The following MCF2L2 variants were observed in gnomAD, a reference collection of about 807,000 sequenced individuals.
MCF2L2 encodes probable guanine nucleotide exchange factor MCF2L2.
In MCF2L2, 102 loss-of-function variants were observed where a neutral mutation model predicts 150.2. The observed-to-expected ratio is 0.68, with a 90% CI of 0.58 to 0.80. MCF2L2 has a LOEUF of 0.80. Ranked by LOEUF, MCF2L2 falls within the 30% of genes least tolerant of loss-of-function variation. MCF2L2 has a pLI of 0.00. For synonymous variants in MCF2L2, 465 were observed against 491.3 expected (o/e 0.95, Z 0.71); for missense variants, 1,256 against 1,372.8 (o/e 0.91, Z 1.34).
intron 14 of MCF2L2, among the ~76,000 whole-genome samples, chr3:183,286,615 C>T (rs1359086617): frequency 6.6e-6 from 1 of 152,176 alleles, no homozygotes; most frequent in Non-Finnish European, 1.5e-5. Context: ...GGTTATAATA[C>T]ACAATGTGTG....
intron 3 of MCF2L2, among the ~76,000 whole-genome samples, chr3:183,344,912 C>G (rs909793141): frequency 2.6e-5 from 4 of 152,020 alleles, no homozygotes; most frequent in Non-Finnish European, 4.4e-5. Context: ...ACAGGTGCAC[C>G]CAGATTCATA....
At chr3:183,406,277 C>CT (rs1359429855) in intron 1 of MCF2L2, among the ~76,000 whole-genome samples, 1 of 152,154 alleles carries the variant, frequency 6.6e-6, no homozygotes, top group Non-Finnish European at 1.5e-5. Context: ...TTTAGTCACT[C>CT]TAACAGGTAC....
intron 2 of MCF2L2, among the ~76,000 whole-genome samples, chr3:183,380,823 G>C (rs1030799832): frequency 9.2e-5 from 14 of 152,186 alleles, no homozygotes; most frequent in African/African-American, 3.4e-4. Context: ...GCAAATCAAT[G>C]TGGAACAAGA....
At chr3:183,410,167 C>G (rs1455363269) in intron 1 of MCF2L2, among the ~76,000 whole-genome samples, 1 of 152,190 alleles carries the variant, frequency 6.6e-6, no homozygotes, top group Non-Finnish European at 1.5e-5. Flanking sequence ...CTCCATCTAT[C>G]TAAATCTTTT....
chr3:183,391,502 C>T (rs1367188612), intron 1 of MCF2L2, among the ~76,000 whole-genome samples: 1 of 152,168 alleles, frequency 6.6e-6, no homozygotes, highest in East Asian at 1.9e-4. Flanking sequence ...AAAAGGGGGC[C>T]TTCTCTGTTA....
rs1728841520 is a variant in MCF2L2 at position 183,301,413 on chromosome 3, T to A, written c.1114-1217A>T. ...ATTAGATGGTGGGGAGGGCAGGGAG[T>A]GCTGGAGCTAGTATTTTAAATCGGA... On this transcript the variant is annotated intron_variant, in intron 10 of 29. Coordinates refer to ENST00000328913, the MANE Select transcript of MCF2L2 (RefSeq NM_015078.4). Among the ~76,000 whole-genome samples the A allele has an allele frequency of 2.0e-5, 3 of 152,008 alleles. No homozygotes were observed. The South Asian group carries it at 6.2e-4, about 31-fold the overall frequency.
intron 1 of MCF2L2, among the ~76,000 whole-genome samples, chr3:183,413,395 T>C (rs1286094385): frequency 6.6e-6 from 1 of 152,200 alleles, no homozygotes; most frequent in East Asian, 1.9e-4. Context: ...AAAATATTGT[T>C]AGGGTCACCC....
intron 1 of MCF2L2, among the ~76,000 whole-genome samples, chr3:183,397,751 C>T (rs1342903757): frequency 4.6e-5 from 7 of 152,092 alleles, no homozygotes. Context: ...AAATATGCAG[C>T]ATTTTAGCCA....
intron 3 of MCF2L2, among the ~76,000 whole-genome samples, chr3:183,354,773 T>C (rs971627491): frequency 7.2e-5 from 11 of 152,202 alleles, no homozygotes; most frequent in Admixed American, 5.9e-4. Flanking sequence ...TCTTAGGACC[T>C]CCTGAGGCTG....
intron 20 of MCF2L2, among the ~76,000 whole-genome samples, chr3:183,222,841 G>A (rs558000650): frequency 8.5e-5 from 13 of 152,194 alleles, no homozygotes; most frequent in Non-Finnish European, 1.6e-4. Flanking sequence ...TTATCACTAA[G>A]GAGGGGTAAA....
rs540695529 is a variant in MCF2L2, at chr3:183,323,770, C to T, written c.487-419G>A. 4.4e-4 allele frequency among the ~76,000 whole-genome samples: 65 copies of T among 149,210 alleles called. 1 individual carries two copies. The highest frequency in any genetic ancestry group is 2.5e-3 in the South Asian group (12 of 4,776). ...AGTGATCGCACCATGGCACTCCAGC[C>T]TGGGCGACAGAACAAGACCACATCA... On this transcript the variant is annotated intron_variant, in intron 5 of 29. Coordinates refer to ENST00000328913, the MANE Select transcript of MCF2L2 (RefSeq NM_015078.4).
At chr3:183,405,974 CA>C (rs1417664867) in intron 1 of MCF2L2, among the ~76,000 whole-genome samples, 1 of 152,168 alleles carries the variant, frequency 6.6e-6, no homozygotes, top group Non-Finnish European at 1.5e-5. Flanking sequence ...CTCAGCCTCC[CA>C]AAAGTGCTGG....
chr3:183,254,991 T>G (rs769771897), intron 15 of MCF2L2, among the ~76,000 whole-genome samples: 1 of 152,204 alleles, frequency 6.6e-6, no homozygotes, highest in South Asian at 2.1e-4. Flanking sequence ...TTGGCCGGTG[T>G]TGGTTTTCTT....
chr3:183,232,504 C>A lies in MCF2L2; in HGVS notation c.1863-1487G>T, dbSNP rs1015294877. ...GGCTACGTGGCCATATTTATTATTT[C>A]TTTTAGGAGTCCAAGTAGATGAGTG... On this transcript the variant is annotated intron_variant, in intron 15 of 29. Coordinates refer to ENST00000328913, the MANE Select transcript of MCF2L2 (RefSeq NM_015078.4). 3.9e-5 allele frequency among the ~76,000 whole-genome samples: 6 copies of A among 152,258 alleles called. No homozygotes were observed. The East Asian group carries it at 5.8e-4, about 15-fold the overall frequency.
At chr3:183,358,658 T>C (rs1711939182) in intron 3 of MCF2L2, among the ~76,000 whole-genome samples, 1 of 152,186 alleles carries the variant, frequency 6.6e-6, no homozygotes, top group South Asian at 2.1e-4. Flanking sequence ...TCTCATTCTA[T>C]CTCTCAGGCT....
At chr3:183,193,539 C>T (rs1437225686) in intron 26 of MCF2L2, among the ~76,000 whole-genome samples, 3 of 151,900 alleles carry the variant, frequency 2.0e-5, no homozygotes, top group African/African-American at 4.8e-5. Flanking sequence ...TTAGTAGAGA[C>T]GAGGTTTCAC....
intron 20 of MCF2L2, among the ~76,000 whole-genome samples, chr3:183,223,072 C>G (rs1011787776): frequency 1.3e-5 from 2 of 152,190 alleles, no homozygotes; most frequent in Non-Finnish European, 2.9e-5. Context: ...CCAAAGAGCT[C>G]TCTTCCCCTA....
chr3:183,266,956 T>G (rs1304379381), intron 15 of MCF2L2, among the ~76,000 whole-genome samples: 1 of 152,010 alleles, frequency 6.6e-6, no homozygotes, highest in African/African-American at 2.4e-5. Context: ...CCGGCTAATT[T>G]TTGAATTTTT....
chr3:183,280,111 C>T (rs1004217905), intron 14 of MCF2L2, among the ~76,000 whole-genome samples: 6 of 151,974 alleles, frequency 3.9e-5, no homozygotes, highest in African/African-American at 1.5e-4. Flanking sequence ...CCCCCATATC[C>T]ACCCCACAAA....
Sources: gnomAD v4.1 joint callset for allele counts (sites outside exome capture counted in the v4.1 genomes callset) on GRCh38, gnomAD v4.1.1 for gene constraint, MANE v1.5 for transcripts, NCBI Gene and HGNC (gene_info 2026-07-23, HGNC 2026-07-21) for gene names.